The following NUP153 variants were observed in gnomAD, a reference collection of about 807,000 sequenced individuals.
NUP153 encodes nuclear pore complex protein Nup153.
Under a neutral mutation model 134.6 loss-of-function variants are expected in NUP153, and 27 were observed. The observed-to-expected ratio is 0.20, with a 90% CI of 0.15 to 0.28. The LOEUF (loss-of-function observed/expected upper bound fraction) is 0.28. NUP153 is among the 10% of genes least tolerant of loss of function. The pLI, the probability that NUP153 is intolerant of heterozygous loss-of-function variation, is 1.00. For missense variants in NUP153, 1,821 were observed against 1,731.3 expected (o/e 1.05, Z -0.92); for synonymous variants, 640 against 623.5 (o/e 1.03, Z -0.40).
intron 1 of NUP153, among the ~76,000 whole-genome samples, chr6:17,693,442 A>T (rs888620624): frequency 1.3e-5 from 2 of 151,732 alleles, no homozygotes; most frequent in Non-Finnish European, 2.9e-5. Flanking sequence ...CCACTCCAGC[A>T]CCCCTCCACT....
intron 1 of NUP153, among the ~76,000 whole-genome samples, chr6:17,702,217 A>G (rs1030001672): frequency 6.6e-6 from 1 of 152,142 alleles, no homozygotes; most frequent in Non-Finnish European, 1.5e-5. Context: ...GAAAAATGAC[A>G]CCATTTCTGG....
intron 11 of NUP153, among the ~76,000 whole-genome samples, chr6:17,659,712 C>A (rs1767067437): frequency 6.6e-6 from 1 of 152,154 alleles, no homozygotes; most frequent in Admixed American, 6.6e-5. Context: ...ACCTCGTGAT[C>A]CGCCCGCCTT....
At chr6:17,616,408 A>C (rs1764328283) in intron 21 of NUP153, 119 bp downstream of exon 21, 3 of 928,524 alleles carry the variant, frequency 3.2e-6, no homozygotes, top group African/African-American at 3.3e-5. Flanking sequence ...TTTATGTTGG[A>C]GAACATATTT....
At chr6:17,617,986 T>C (rs1323179313) in intron 20 of NUP153, among the ~76,000 whole-genome samples, 1 of 152,194 alleles carries the variant, frequency 6.6e-6, no homozygotes, top group Non-Finnish European at 1.5e-5. Context: ...AATATCATTT[T>C]GAAAACAGGA....
rs762654276 is a variant in NUP153 at position 17,616,566 on chromosome 6, C to G, written c.4304G>C (p.Gly1435Ala). 5 of 1,613,800 alleles carry G rather than the reference C, an allele frequency of 3.1e-6. No individual in the cohort carries two copies. The South Asian group carries it at 4.4e-5, about 14-fold the overall frequency. Residue 1435 changes from glycine (G) to alanine (A), a missense_variant, in exon 21 of 22, where the codon GGC becomes GCC. Coordinates refer to ENST00000262077, the MANE Select transcript of NUP153 (RefSeq NM_005124.4). ...TGCTGGAGACTGGTTAAATGGAAAGCCCCCCGAGCCTGAAGGCTGGGCTGA... is the reference window on the plus strand; with the variant it reads ...TGCTGGAGACTGGTTAAATGGAAAGGCCCCCGAGCCTGAAGGCTGGGCTGA... The part of the protein sequence containing the change: ...AASAQPSGSG[G>A]FPFNQSPAAF...
intron 11 of NUP153, chr6:17,651,946 T>C (rs1226750086): frequency 1.6e-6 from 1 of 618,398 alleles, no homozygotes; most frequent in Middle Eastern, 2.8e-4. Flanking sequence ...ATTTTAAAAA[T>C]TGGCGAGGTA....
intron 11 of NUP153, 94 bp downstream of exon 11, chr6:17,661,559 C>A: frequency 1.6e-6 from 2 of 1,230,606 alleles, no homozygotes; most frequent in South Asian, 2.3e-5. Context: ...TGCTCTGGGT[C>A]TCTTCGAACC....
intron 11 of NUP153, among the ~76,000 whole-genome samples, chr6:17,658,595 C>G (rs1293757579): frequency 6.6e-6 from 1 of 152,186 alleles, no homozygotes; most frequent in African/African-American, 2.4e-5. Context: ...TTAAACTACA[C>G]AAGAAGTTGC....
intron 2 of NUP153, among the ~76,000 whole-genome samples, chr6:17,685,418 G>A (rs536005754): frequency 4.7e-4 from 71 of 152,104 alleles, no homozygotes; most frequent in African/African-American, 1.6e-3. Flanking sequence ...GCCTGGTGGC[G>A]GGCACCTGCA....
At chr6:17,662,176 G>T in intron 9 of NUP153, 106 bp from the exon 10 acceptor site, 2 of 1,012,830 alleles carry the variant, frequency 2.0e-6, no homozygotes, top group Non-Finnish European at 3.0e-6. Context: ...GAATTTGATG[G>T]CTTTTTAGTT....
intron 11 of NUP153, among the ~76,000 whole-genome samples, chr6:17,654,219 G>C (rs1210583783): frequency 6.6e-6 from 1 of 152,110 alleles, no homozygotes; most frequent in East Asian, 1.9e-4. Context: ...CCAACCTCCA[G>C]CGTAGAACCC....
intron 13 of NUP153, 70 bp downstream of exon 13, chr6:17,647,737 T>C (rs920418206): frequency 5.0e-5 from 51 of 1,013,100 alleles, no homozygotes; most frequent in Non-Finnish European, 6.9e-5. Flanking sequence ...CAGTGGCATC[T>C]TAGATTTGAT....
intron 13 of NUP153, among the ~76,000 whole-genome samples, 195 bp from the exon 14 acceptor site, chr6:17,646,349 A>G (rs928344577): frequency 1.3e-5 from 2 of 152,070 alleles, no homozygotes; most frequent in African/African-American, 4.8e-5. Context: ...CTGGGACTAC[A>G]GGAACTCGCC....
Position 17,669,027 on chromosome 6 carries a change from G to C in NUP153, c.1016C>G (p.Pro339Arg). The change falls in exon 8 of 22, where the codon CCT (proline) becomes CGT (arginine). Residue 339 changes from proline to arginine, a missense_variant and splice_region_variant. Transcript: ENST00000262077. ...GATATCTATCCCACTCCTATCAAGAGGCTGAAAAAAAAAAAAAACACTATT... is the reference window on the plus strand; with the variant it reads ...GATATCTATCCCACTCCTATCAAGACGCTGAAAAAAAAAAAAAACACTATT... ...PSIVSSPLNS[P>R]LDRSGIDITD... The C allele has an allele frequency of 2.0e-6, 3 of 1,475,012 alleles. No homozygotes were observed. Among genetic ancestry groups the C allele is most frequent in the Non-Finnish European group, 1.8e-6 (2 of 1,110,716 alleles). The allele number at this position is 1,475,012 out of a possible 1,614,324, so 91.4% of individuals were successfully genotyped here.
At chr6:17,652,188 A>T (rs1766534952) in intron 11 of NUP153, among the ~76,000 whole-genome samples, 1 of 152,186 alleles carries the variant, frequency 6.6e-6, no homozygotes, top group Non-Finnish European at 1.5e-5. Flanking sequence ...ATAAGAACAA[A>T]GATCTAATAC....
At chr6:17,694,060 TTTA>T (rs1286158001) in intron 1 of NUP153, among the ~76,000 whole-genome samples, 2 of 152,230 alleles carry the variant, frequency 1.3e-5, no homozygotes, top group African/African-American at 2.4e-5. Context: ...TTCCACCTAC[TTTA>T]TTGATAGCAC....
intron 1 of NUP153, among the ~76,000 whole-genome samples, chr6:17,701,256 G>A (rs1770047016): frequency 1.3e-5 from 2 of 151,498 alleles, no homozygotes; most frequent in Non-Finnish European, 2.9e-5. Flanking sequence ...TGCGCCAGGT[G>A]CAGTGGCTCA....
chr6:17,675,168 A>G lies in NUP153; in HGVS notation c.723+61T>C. On this transcript the variant is annotated intron_variant, in intron 4 of 21. Transcript: ENST00000262077. This position sits in a 1 kb window ranked among gnomAD's most constrained non-coding sequence, Gnocchi z 4.4. ...ACTCTTGTCTCAGAAAAAAAAAAAA[A>G]AATTATAAGCAATAAACACTCAAAA... 1.3e-6 allele frequency: 2 copies of G among 1,570,830 alleles called. No individual in the cohort carries two copies. The highest frequency in any genetic ancestry group is 2.4e-5 in the South Asian group (2 of 83,402).
At chr6:17,677,491 A>G (rs1335069535) in intron 2 of NUP153, among the ~76,000 whole-genome samples, 1 of 152,202 alleles carries the variant, frequency 6.6e-6, no homozygotes, top group African/African-American at 2.4e-5. Context: ...ATTTAGCATT[A>G]CAAGACTTTA....
Sources: gnomAD v4.1 joint callset for allele counts (sites outside exome capture counted in the v4.1 genomes callset) on GRCh38, gnomAD v4.1.1 for gene constraint, Gnocchi (gnomAD v3.1) non-coding constraint, MANE v1.5 for transcripts, NCBI Gene and HGNC (gene_info 2026-07-23, HGNC 2026-07-21) for gene names.